Variants in PCDH9 observed in about 807,000 individuals in gnomAD.
PCDH9 encodes the protein protocadherin 9, also known as protocadherin-9.
In PCDH9, 24 loss-of-function variants were observed where a neutral mutation model predicts 70.6. The ratio of observed to expected loss-of-function variants is 0.34; its 90% confidence interval spans 0.25 to 0.48. The LOEUF (loss-of-function observed/expected upper bound fraction) is 0.48. PCDH9 is among the 20% of genes least tolerant of loss of function. The pLI, the probability that PCDH9 is intolerant of heterozygous loss-of-function variation, is 0.99. For missense variants in PCDH9, 1,281 were observed against 1,503.6 expected (o/e 0.85, Z 2.45); for synonymous variants, 562 against 558.5 (o/e 1.01, Z -0.09).
At chr13:66,310,924 C>T (rs532731442) in intron 4 of PCDH9, among the ~76,000 whole-genome samples, 3 of 152,084 alleles carry the variant, frequency 2.0e-5, no homozygotes, top group South Asian at 2.1e-4. Flanking sequence ...TTATGCAAAA[C>T]GTTTGTTCCT....
intron 3 of PCDH9, among the ~76,000 whole-genome samples, chr13:66,856,893 GAATGGAT>G (rs1269058761): frequency 1.3e-5 from 2 of 151,854 alleles, no homozygotes; most frequent in Non-Finnish European, 2.9e-5. Flanking sequence ...CCTTGAAAAG[GAATGGAT>G]TTACCTTGTA....
intron 3 of PCDH9, among the ~76,000 whole-genome samples, chr13:66,851,499 T>G (rs1453520938): frequency 6.6e-6 from 1 of 152,098 alleles, no homozygotes; most frequent in Admixed American, 6.6e-5. Flanking sequence ...GAGAAGTATG[T>G]ATTGTTTCAT....
At chr13:66,600,315 G>A (rs145984061) in intron 4 of PCDH9, among the ~76,000 whole-genome samples, 2 of 151,858 alleles carry the variant, frequency 1.3e-5, no homozygotes, top group South Asian at 2.1e-4. Context: ...TCAAAACAAC[G>A]TATTTTAGAA....
Position 67,043,313 on chromosome 13 carries a change from T to C in PCDH9, c.3037-139708A>G, listed in dbSNP as rs527513077. ...CTATTGTAACAATCCATGTAAAGAG[T>C]GATTGTGGCATGAAGCAAGCCAGTT... On this transcript the variant is annotated intron_variant, in intron 2 of 4. Coordinates refer to ENST00000377865, the MANE Select transcript of PCDH9 (RefSeq NM_203487.3). Among the ~76,000 whole-genome samples the C allele has an allele frequency of 1.1e-4, 17 of 151,916 alleles. 1 individual carries two copies. The South Asian group carries it at 3.3e-3, about 30-fold the overall frequency.
chr13:66,312,378 T>A (rs1395736739), intron 4 of PCDH9, among the ~76,000 whole-genome samples: 1 of 152,242 alleles, frequency 6.6e-6, no homozygotes, highest in East Asian at 1.9e-4. Flanking sequence ...AGGCTAGGCA[T>A]GGTGGCTCAT....
At chr13:66,881,966 T>C (rs1212604899) in intron 3 of PCDH9, among the ~76,000 whole-genome samples, 1 of 152,198 alleles carries the variant, frequency 6.6e-6, no homozygotes, top group Non-Finnish European at 1.5e-5. Flanking sequence ...TTATTTTATG[T>C]ATAAACTATT....
intron 2 of PCDH9, among the ~76,000 whole-genome samples, chr13:66,973,581 C>T (rs1041025): frequency 0.99 from 150,650 of 152,066 alleles, 74,636 homozygotes; most frequent in East Asian, 1. Flanking sequence ...AAAAATAAAA[C>T]GTGAAGATAA....
intron 2 of PCDH9, among the ~76,000 whole-genome samples, chr13:67,190,194 AT>A (rs1365776657): frequency 1.3e-5 from 2 of 152,000 alleles, no homozygotes; most frequent in Non-Finnish European, 2.9e-5. Context: ...ATATTACCTG[AT>A]TCCTGCCACT....
intron 2 of PCDH9, among the ~76,000 whole-genome samples, chr13:67,153,167 GTT>G (rs35270745): frequency 2.1e-5 from 3 of 146,298 alleles, no homozygotes; most frequent in African/African-American, 2.5e-5. Context: ...CCCTTTCACA[GTT>G]TTTTTTTTTT....
rs558696837 is a variant in PCDH9, at chr13:66,993,512, T to A, written c.3037-89907A>T. ...GGGACAGGGAATGGGGAGGCTGAAT[T>A]AGTGGACCTCCCTACCAACTTGCAC... is the stretch of plus-strand genomic sequence containing the variant. On this transcript the variant is annotated intron_variant, in intron 2 of 4. Coordinates refer to ENST00000377865, the MANE Select transcript of PCDH9 (RefSeq NM_203487.3). Among the ~76,000 whole-genome samples the A allele has an allele frequency of 2.0e-5, 3 of 152,150 alleles. 1 individual carries two copies. Among genetic ancestry groups the A allele is most frequent in the Middle Eastern group, 6.3e-3 (2 of 316 alleles).
chr13:67,206,416 C>T (rs1330997288), intron 2 of PCDH9: 1 of 152,002 alleles, frequency 6.6e-6, no homozygotes, highest in Non-Finnish European at 1.5e-5. Context: ...TGCCCGCCTC[C>T]CAAAGAGCTG....
chr13:66,633,387 T>G (rs1443387260), intron 3 of PCDH9, among the ~76,000 whole-genome samples: 1 of 152,194 alleles, frequency 6.6e-6, no homozygotes, highest in African/African-American at 2.4e-5. Flanking sequence ...CTAAGAAAGA[T>G]CATGCTACCA....
intron 4 of PCDH9, among the ~76,000 whole-genome samples, chr13:66,559,772 C>T (rs1235233146): frequency 1.6e-5 from 2 of 126,188 alleles, no homozygotes; most frequent in Non-Finnish European, 3.1e-5. Flanking sequence ...TGCACTCCAG[C>T]CTGGGAGACA....
At position 66,578,946 on chromosome 13, in the gene PCDH9, A is replaced by G. The variant is rs188402389; in HGVS notation, c.3340+52264T>C. On this transcript the variant is annotated intron_variant, in intron 4 of 4. Transcript: ENST00000377865. ...TCTGAGTGATCTTTACTATCTCTGC[A>G]AGGCAAGGTAACTTGCAATTCCATC... Among the ~76,000 whole-genome samples the G allele has an allele frequency of 8.5e-5, 13 of 152,214 alleles. No homozygotes were observed. The East Asian group carries it at 2.3e-3, about 27-fold the overall frequency.
intron 4 of PCDH9, among the ~76,000 whole-genome samples, chr13:66,484,888 T>C (rs1223300673): frequency 6.6e-6 from 1 of 152,226 alleles, no homozygotes; most frequent in Non-Finnish European, 1.5e-5. Flanking sequence ...AAGAGTGCTT[T>C]GTAAAATGAA....
intron 2 of PCDH9, chr13:67,218,795 A>C (rs1200392697): frequency 1.3e-5 from 2 of 152,024 alleles, no homozygotes; most frequent in African/African-American, 4.8e-5. Context: ...TTAGTATAAA[A>C]TGATAGAATC....
chr13:67,043,742 G>C (rs2085167785), intron 2 of PCDH9, among the ~76,000 whole-genome samples: 1 of 152,132 alleles, frequency 6.6e-6, no homozygotes, highest in Non-Finnish European at 1.5e-5. Context: ...AAAATGGCCA[G>C]CCGAGCTCTG....
chr13:66,613,041 A>C (rs2077311824), intron 4 of PCDH9, among the ~76,000 whole-genome samples: 1 of 152,060 alleles, frequency 6.6e-6, no homozygotes, highest in Non-Finnish European at 1.5e-5. Flanking sequence ...AAGCCTTTTC[A>C]TCCTCAGACT....
chr13:66,958,527 C>T (rs984138181), intron 2 of PCDH9, among the ~76,000 whole-genome samples: 7 of 152,134 alleles, frequency 4.6e-5, no homozygotes, highest in African/African-American at 1.7e-4. Flanking sequence ...TTTATAAACA[C>T]ATACTGTATA....
Sources: allele counts gnomAD v4.1 joint callset (sites outside exome capture counted in the v4.1 genomes callset), GRCh38; gene constraint gnomAD v4.1.1; transcripts MANE v1.5; gene names NCBI Gene and HGNC (gene_info 2026-07-23, HGNC 2026-07-21).